The following CASZ1 variants were observed in gnomAD, a reference collection of about 807,000 sequenced individuals.
CASZ1 encodes the protein zinc finger protein castor homolog 1.
Under a neutral mutation model 135.2 loss-of-function variants are expected in CASZ1, and 28 were observed. The observed-to-expected ratio is 0.21, with a 90% CI of 0.15 to 0.28. CASZ1 has a LOEUF of 0.28. Ranked by LOEUF, CASZ1 falls within the 10% of genes least tolerant of loss-of-function variation. The pLI, the probability that CASZ1 is intolerant of heterozygous loss-of-function variation, is 1.00. For synonymous variants in CASZ1, 1,068 were observed against 1,073.4 expected, an observed-to-expected ratio of 0.99 and a Z score of 0.10; for missense variants, 2,161 against 2,453.3, an observed-to-expected ratio of 0.88 and a Z score of 2.52.
chr1:10,784,245 G>A (rs909784464), intron 1 of CASZ1, among the ~76,000 whole-genome samples: 4 of 152,254 alleles, frequency 2.6e-5, no homozygotes, highest in South Asian at 4.2e-4. Context: ...ACATCTGGGT[G>A]TGCCCCCGCC....
At chr1:10,684,158 C>T (rs1320531952) in intron 4 of CASZ1, among the ~76,000 whole-genome samples, 2 of 145,636 alleles carry the variant, frequency 1.4e-5, no homozygotes, top group African/African-American at 2.5e-5. Context: ...GGAAGGAAGG[C>T]GCTGATAAAC....
In CASZ1 at chr1:10,651,018, G is replaced by A. The variant is rs956305141; in HGVS notation, c.2739C>T (p.Pro913=). 8.9e-6 allele frequency: 14 copies of A among 1,565,200 alleles called. No homozygotes were observed. The highest frequency in any genetic ancestry group is 2.4e-5 in the South Asian group (2 of 83,128). The change falls in exon 12 of 21, where the codon CCC becomes CCT. Residue 913 remains proline (P), a synonymous_variant. Coordinates refer to ENST00000377022, the MANE Select transcript of CASZ1 (RefSeq NM_001079843.3). ...RFPPAQVKPE[P]GESTGAPGPH... Reference sequence around the variant, plus strand: ...GGCCTGGGGCGCCGGTGCTCTCACCGGGTTCCGGCTTCACTTGGGCCGGGG... The same window carrying A: ...GGCCTGGGGCGCCGGTGCTCTCACCAGGTTCCGGCTTCACTTGGGCCGGGG...
chr1:10,675,650 C>G (rs1643544535), intron 4 of CASZ1, among the ~76,000 whole-genome samples: 1 of 152,110 alleles, frequency 6.6e-6, no homozygotes, highest in East Asian at 1.9e-4. Context: ...GGGGCTGGAC[C>G]CCAGCCACTC....
intron 4 of CASZ1, among the ~76,000 whole-genome samples, chr1:10,682,323 C>T (rs998553290): frequency 1.3e-5 from 2 of 151,956 alleles, no homozygotes; most frequent in African/African-American, 2.4e-5. Context: ...GAAATATCAC[C>T]GTGAAGTGGG....
chr1:10,646,632 G>C lies in CASZ1; in HGVS notation c.3498-306C>G, dbSNP rs1642371003. Among the ~76,000 whole-genome samples, 1 of 152,260 alleles carries C rather than the reference G, an allele frequency of 6.6e-6. No homozygotes were observed. Among genetic ancestry groups the C allele is most frequent in the Non-Finnish European group, 1.5e-5 (1 of 68,046 alleles). On this transcript the variant is annotated intron_variant, in intron 16 of 20. Coordinates refer to ENST00000377022, the MANE Select transcript of CASZ1 (RefSeq NM_001079843.3). The surrounding 1 kb of genome is among the most constrained non-coding windows in gnomAD (Gnocchi z 6.4). ...CACCTCAGGATTATAGATAAGGATGGCTGTAATAACTTCTTGGATCGGAAA... is the reference window on the plus strand; with the variant it reads ...CACCTCAGGATTATAGATAAGGATGCCTGTAATAACTTCTTGGATCGGAAA...
At chr1:10,680,354 G>C (rs1460307827) in intron 4 of CASZ1, among the ~76,000 whole-genome samples, 1 of 152,248 alleles carries the variant, frequency 6.6e-6, no homozygotes, top group East Asian at 1.9e-4. Flanking sequence ...GACCCCCAGG[G>C]CCTGTCTTCT....
intron 1 of CASZ1, among the ~76,000 whole-genome samples, chr1:10,764,301 T>G (rs1423352268): frequency 6.6e-6 from 1 of 152,200 alleles, no homozygotes; most frequent in Non-Finnish European, 1.5e-5. Flanking sequence ...CTTGATCCCC[T>G]CCAACCAATT....
rs143372166 is a variant in CASZ1 at position 10,692,366 on chromosome 1, A to G, written c.16+1508T>C. Among the ~76,000 whole-genome samples the G allele has an allele frequency of 4.9e-3, 748 of 152,144 alleles. 7 individuals are homozygous for G. The highest frequency in any genetic ancestry group is 0.017 in the African/African-American group (700 of 41,478). ...GGGGTGGTGCATTGCCACCAGGCCC[A>G]TCTCTGAGGTCTGCTTCTTGGCTGG... is the stretch of plus-strand genomic sequence containing the variant. On this transcript the variant is annotated intron_variant, in intron 4 of 20. Coordinates refer to ENST00000377022, the MANE Select transcript of CASZ1 (RefSeq NM_001079843.3).
chr1:10,685,953 G>A (rs114875650), intron 4 of CASZ1, among the ~76,000 whole-genome samples: 113 of 152,328 alleles, frequency 7.4e-4, no homozygotes, highest in African/African-American at 2.7e-3. Flanking sequence ...GAGGAAGGGA[G>A]CCCACAGGGG....
At chr1:10,664,022 G>A (rs1643142842) in intron 5 of CASZ1, among the ~76,000 whole-genome samples, 2 of 152,228 alleles carry the variant, frequency 1.3e-5, no homozygotes, top group African/African-American at 4.8e-5. Context: ...GCAACGGCAA[G>A]GGCTTTTCCT....
intron 18 of CASZ1, among the ~76,000 whole-genome samples, chr1:10,644,146 G>A (rs1455784024): frequency 6.6e-6 from 1 of 151,898 alleles, no homozygotes; most frequent in African/African-American, 2.4e-5. Context: ...GGCCACAACG[G>A]GCCTTGCCTG....
At chr1:10,732,663 T>G (rs1442382944) in intron 2 of CASZ1, among the ~76,000 whole-genome samples, 1 of 152,034 alleles carries the variant, frequency 6.6e-6, no homozygotes, top group African/African-American at 2.4e-5. Context: ...GAGGGGGAGA[T>G]GGTCCTACAA....
intron 9 of CASZ1, 109 bp from the exon 10 acceptor site, chr1:10,654,700 T>A: frequency 9.4e-7 from 1 of 1,061,352 alleles, no homozygotes; most frequent in Non-Finnish European, 1.4e-6. Context: ...TCAGGGAAGC[T>A]TTGGCACCTC....
chr1:10,722,831 G>A (rs541521108), intron 2 of CASZ1, among the ~76,000 whole-genome samples: 2 of 152,326 alleles, frequency 1.3e-5, no homozygotes, highest in South Asian at 4.1e-4. Flanking sequence ...TGGCGCCAGG[G>A]CTGCATGGGG....
At chr1:10,690,762 C>T (rs564984136) in intron 4 of CASZ1, among the ~76,000 whole-genome samples, 2 of 152,350 alleles carry the variant, frequency 1.3e-5, no homozygotes, top group Non-Finnish European at 2.9e-5. Context: ...TTGGCTCCTC[C>T]GCGCCTTGGA....
In CASZ1 at chr1:10,709,644, GAGAA is replaced by G. The variant is rs1639246959; in HGVS notation, c.-76-4104_-76-4101del. ...AGGGGGAGAGAGAGAGAGGGAGAGA[GAGAA>G]AGAGAGGAGAAAAGAAAGCGAATCA... On this transcript the variant is annotated intron_variant, in intron 2 of 20. Coordinates refer to ENST00000377022, the MANE Select transcript of CASZ1 (RefSeq NM_001079843.3). The surrounding 1 kb of genome is among the most constrained non-coding windows in gnomAD (Gnocchi z 5.1). 6.6e-6 allele frequency among the ~76,000 whole-genome samples: 1 copy of G among 152,168 alleles called. No homozygotes were observed. The highest frequency in any genetic ancestry group is 2.4e-5 in the African/African-American group (1 of 41,430).
At chr1:10,732,953 G>C (rs972011304) in intron 2 of CASZ1, among the ~76,000 whole-genome samples, 6 of 152,082 alleles carry the variant, frequency 3.9e-5, no homozygotes, top group Non-Finnish European at 5.9e-5. Context: ...CTGGTCCCTG[G>C]GGGTAACCAG....
In CASZ1 at chr1:10,756,295, C is replaced by T. The variant is rs1045824273; in HGVS notation, c.-77+4406G>A. 3.9e-5 allele frequency among the ~76,000 whole-genome samples: 6 copies of T among 152,322 alleles called. No individual in the cohort carries two copies. Among genetic ancestry groups the T allele is most frequent in the East Asian group, 3.9e-4 (2 of 5,176 alleles). ...CATTGCTTCCCACTTGGGACATCCC[C>T]GATGCACCCCCCACCCTCGCCCCCG... On this transcript the variant is annotated intron_variant, in intron 2 of 20. Transcript: ENST00000377022. This position sits in a 1 kb window ranked among gnomAD's most constrained non-coding sequence, Gnocchi z 5.9.
intron 4 of CASZ1, among the ~76,000 whole-genome samples, chr1:10,692,671 A>G (rs569829546): frequency 6.6e-6 from 1 of 152,242 alleles, no homozygotes; most frequent in East Asian, 1.9e-4. Context: ...CCTCCCCCCA[A>G]CAAACACAGG....
Sources: allele counts gnomAD v4.1 joint callset (sites outside exome capture counted in the v4.1 genomes callset), GRCh38; gene constraint gnomAD v4.1.1; non-coding constraint Gnocchi (gnomAD v3.1); transcripts MANE v1.5; gene names NCBI Gene and HGNC (gene_info 2026-07-23, HGNC 2026-07-21).